The following SERINC5 variants were observed in gnomAD, a reference collection of about 807,000 sequenced individuals.
The protein encoded by SERINC5 is chromosome 5 open reading frame 12.
A neutral mutation model predicts 63.1 loss-of-function variants in SERINC5; 41 were observed. That is an observed-to-expected ratio of 0.65 (90% CI 0.51 to 0.84). The LOEUF (loss-of-function observed/expected upper bound fraction) is 0.84. Ranked by LOEUF, SERINC5 falls within the 40% of genes least tolerant of loss-of-function variation. The pLI, the probability that SERINC5 is intolerant of heterozygous loss-of-function variation, is 0.00. For synonymous variants in SERINC5, 222 were observed against 215.2 expected (o/e 1.03, Z -0.28); for missense variants, 523 against 573.0 (o/e 0.91, Z 0.89).
At chr5:80,178,591 A>G (rs951133316) in intron 2 of SERINC5, among the ~76,000 whole-genome samples, 1 of 128,158 alleles carries the variant, frequency 7.8e-6, no homozygotes, top group Non-Finnish European at 1.6e-5. Flanking sequence ...TGTTGCCCAG[A>G]CTGGTCTTGA....
intron 2 of SERINC5, among the ~76,000 whole-genome samples, chr5:80,179,424 C>T (rs1225600488): frequency 6.6e-6 from 1 of 152,188 alleles, no homozygotes; most frequent in Admixed American, 6.5e-5. Flanking sequence ...AATCAATAAC[C>T]ATTCTCACAC....
chr5:80,116,864 T>C (rs1744344115), intron 11 of SERINC5, among the ~76,000 whole-genome samples: 1 of 151,380 alleles, frequency 6.6e-6, no homozygotes, highest in South Asian at 2.1e-4. Flanking sequence ...GGTCTTGCTC[T>C]CTCGCCCAGG....
At chr5:80,179,396 G>A (rs886171538) in intron 2 of SERINC5, among the ~76,000 whole-genome samples, 2 of 152,152 alleles carry the variant, frequency 1.3e-5, no homozygotes, top group East Asian at 1.9e-4. Flanking sequence ...ATCTTATACT[G>A]TAAAAAGGCT....
chr5:80,119,647 G>A (rs1055178520), intron 11 of SERINC5, among the ~76,000 whole-genome samples: 2 of 152,234 alleles, frequency 1.3e-5, no homozygotes, highest in Non-Finnish European at 2.9e-5. Flanking sequence ...CCAAATCCCA[G>A]AGAGGAGGAC....
intron 11 of SERINC5, 110 bp from the exon 12 acceptor site, chr5:80,143,920 T>C: frequency 5.5e-6 from 7 of 1,268,992 alleles, no homozygotes; most frequent in Non-Finnish European, 7.6e-6. Context: ...AATGTATTCA[T>C]ACACAGACTT....
At chr5:80,234,529 A>G (rs1373496102) in intron 1 of SERINC5, among the ~76,000 whole-genome samples, 1 of 152,180 alleles carries the variant, frequency 6.6e-6, no homozygotes, top group Non-Finnish European at 1.5e-5. Context: ...CTCCCACCAC[A>G]AAGGGCAGGG....
chr5:80,184,360 T>G (rs1748672402), intron 2 of SERINC5, among the ~76,000 whole-genome samples: 1 of 152,172 alleles, frequency 6.6e-6, no homozygotes, highest in Admixed American at 6.5e-5. Context: ...TTAGACCTTC[T>G]CTGCCTCCCT....
intron 2 of SERINC5, among the ~76,000 whole-genome samples, chr5:80,198,364 G>A (rs543552319): frequency 6.6e-6 from 1 of 152,210 alleles, no homozygotes; most frequent in East Asian, 1.9e-4. Context: ...AAGAAAAGAA[G>A]CAGGACAAAG....
intron 1 of SERINC5, among the ~76,000 whole-genome samples, chr5:80,245,164 G>A (rs1752115077): frequency 6.6e-6 from 1 of 152,182 alleles, no homozygotes; most frequent in South Asian, 2.1e-4. Context: ...TCCAAGGTTA[G>A]GCTTTCCTTC....
At chr5:80,148,186 A>ATTTTTTTTTTTT (rs1561368296) in intron 9 of SERINC5, among the ~76,000 whole-genome samples, 1 of 86,306 alleles carries the variant, frequency 1.2e-5, no homozygotes, top group African/African-American at 5.1e-5. Flanking sequence ...CGTATTTTTT[A>ATTTTTTTTTTTT]TTCTTTTTTT....
intron 6 of SERINC5, chr5:80,166,999 C>A (rs1388940306): frequency 1.3e-5 from 2 of 153,106 alleles, no homozygotes; most frequent in African/African-American, 4.8e-5. Flanking sequence ...AATACAAGAA[C>A]TGCTCTTGGC....
chr5:80,229,727 T>C (rs1751355369), intron 1 of SERINC5, among the ~76,000 whole-genome samples: 2 of 152,236 alleles, frequency 1.3e-5, no homozygotes, highest in South Asian at 4.1e-4. Context: ...CCATGTAAAG[T>C]GCTCAGCACA....
chr5:80,156,361 C>G (rs1164073017), intron 8 of SERINC5, among the ~76,000 whole-genome samples: 1 of 152,184 alleles, frequency 6.6e-6, no homozygotes, highest in Non-Finnish European at 1.5e-5. Flanking sequence ...ACCCCTACAG[C>G]ATTCCTTTTA....
chr5:80,166,508 T>A, intron 6 of SERINC5, 30 bp from the exon 7 acceptor site: 1 of 1,478,830 alleles, frequency 6.8e-7, no homozygotes, highest in South Asian at 1.2e-5. Flanking sequence ...AGACAACAGG[T>A]TTTAATTTGA....
chr5:80,133,669 C>T (rs145395337), intron 11 of SERINC5, among the ~76,000 whole-genome samples: 14 of 152,300 alleles, frequency 9.2e-5, no homozygotes, highest in African/African-American at 1.2e-4. Flanking sequence ...AACCGCCCAA[C>T]GAATTTTCCT....
intron 2 of SERINC5, among the ~76,000 whole-genome samples, chr5:80,189,679 C>G (rs1749059836): frequency 6.6e-6 from 1 of 152,142 alleles, no homozygotes; most frequent in South Asian, 2.1e-4. Context: ...TGCTTATAGT[C>G]TAAGTGAGCC....
chr5:80,177,255 G>A, intron 4 of SERINC5, 60 bp downstream of exon 4: 1 of 1,243,888 alleles, frequency 8.0e-7, no homozygotes, highest in Non-Finnish European at 1.2e-6. Flanking sequence ...GCGCTTCTGA[G>A]CAATTTGACA....
At chr5:80,131,715 G>A (rs1300233905) in intron 11 of SERINC5, among the ~76,000 whole-genome samples, 1 of 152,204 alleles carries the variant, frequency 6.6e-6, no homozygotes, top group East Asian at 1.9e-4. Flanking sequence ...TGAGGGTGTG[G>A]TAAATTGTGT....
chr5:80,200,403 G>A (rs1181632731), intron 2 of SERINC5, among the ~76,000 whole-genome samples: 7 of 151,268 alleles, frequency 4.6e-5, no homozygotes, highest in Admixed American at 2.6e-4. Flanking sequence ...GGAGAATGGC[G>A]TGAACCCAGG....
Sources: gnomAD v4.1 joint callset for allele counts (sites outside exome capture counted in the v4.1 genomes callset) on GRCh38, gnomAD v4.1.1 for gene constraint, MANE v1.5 for transcripts, NCBI Gene and HGNC (gene_info 2026-07-23, HGNC 2026-07-21) for gene names.